The following ATP9A variants were observed in gnomAD, a reference collection of about 807,000 sequenced individuals.
The protein encoded by ATP9A is probable phospholipid-transporting ATPase IIA.
Under a neutral mutation model 144.1 loss-of-function variants are expected in ATP9A, and 52 were observed. The ratio of observed to expected loss-of-function variants is 0.36; its 90% CI spans 0.29 to 0.45. The LOEUF (loss-of-function observed/expected upper bound fraction) is 0.45. Among genes scored for constraint, ATP9A ranks in the 20% least tolerant of loss-of-function variants. The pLI is 1.00. For synonymous variants in ATP9A, 582 were observed against 557.4 expected (o/e 1.04, Z -0.62); for missense variants, 947 against 1,392.7 (o/e 0.68, Z 5.09).
intron 13 of ATP9A, among the ~76,000 whole-genome samples, chr20:51,664,166 T>C (rs1244592184): frequency 5.9e-5 from 9 of 151,808 alleles, no homozygotes; most frequent in Non-Finnish European, 8.8e-5. Flanking sequence ...AGGCATGAGC[T>C]ACCACGCCCA....
chr20:51,638,883 A>AT (rs961887778), intron 15 of ATP9A, among the ~76,000 whole-genome samples: 37 of 152,038 alleles, frequency 2.4e-4, no homozygotes, highest in African/African-American at 8.9e-4. Flanking sequence ...GACTGGCAAA[A>AT]TTTTTTAACG....
Position 51,622,098 on chromosome 20 carries a change from G to T in ATP9A, c.2091C>A (p.Asn697Lys), listed in dbSNP as rs764366877. 2.5e-6 allele frequency: 4 copies of T among 1,614,104 alleles called. No homozygotes were observed. The highest frequency in any genetic ancestry group is 3.4e-6 in the Non-Finnish European group (4 of 1,180,004). Residue 697 changes from asparagine (N) to lysine (K), a missense_variant, in exon 19 of 28, where the codon AAC (asparagine) becomes AAA (lysine). Coordinates refer to ENST00000338821, the MANE Select transcript of ATP9A (RefSeq NM_006045.3). The stretch of plus-strand genomic sequence containing the variant: ...CCAGCCGAAAAACGTGGATGTCTTG[G>T]TTTCTGGTCACCAGATGTGCATTCT... ...TAKNAHLVTR[N>K]QDIHVFRLVT...
chr20:51,718,374 G>T (rs866108091), intron 3 of ATP9A, among the ~76,000 whole-genome samples: 1 of 95,312 alleles, frequency 1.0e-5, no homozygotes, highest in African/African-American at 3.2e-5. Flanking sequence ...ATGTGTGTGT[G>T]GGGGGGGGTT....
chr20:51,753,487 C>CAACA lies in ATP9A; in HGVS notation c.68+14814_68+14815insTGTT, dbSNP rs1555845489. On this transcript the variant is annotated intron_variant, in intron 1 of 27. Coordinates refer to ENST00000338821, the MANE Select transcript of ATP9A (RefSeq NM_006045.3). ...ACAACAACAACAACAACAACAACAA[C>CAACA]AAACCCACGTTCTACATGGTTCCTA... is the stretch of plus-strand genomic sequence containing the variant. Among the ~76,000 whole-genome samples, 1,013 of 147,228 alleles carry CAACA rather than the reference C, an allele frequency of 6.9e-3. 6 individuals are homozygous for CAACA. Among genetic ancestry groups the CAACA allele is most frequent in the African/African-American group, 0.025 (944 of 38,136 alleles).
intron 13 of ATP9A, among the ~76,000 whole-genome samples, chr20:51,658,688 T>C (rs1194462650): frequency 2.0e-5 from 3 of 151,320 alleles, no homozygotes; most frequent in Non-Finnish European, 4.4e-5. Flanking sequence ...CCCTGCTAAT[T>C]CTTGTATTTT....
intron 13 of ATP9A, among the ~76,000 whole-genome samples, chr20:51,657,427 T>C (rs2077391950): frequency 6.6e-6 from 1 of 152,032 alleles, no homozygotes; most frequent in African/African-American, 2.4e-5. Context: ...CTATCCTCCC[T>C]GGGGTGGTGT....
intron 1 of ATP9A, 80 bp downstream of exon 1, chr20:51,768,222 G>A: frequency 1.0e-6 from 1 of 986,668 alleles, no homozygotes; most frequent in Non-Finnish European, 1.3e-6. Context: ...CGGCCAACCT[G>A]TCAGGCCCGG....
intron 15 of ATP9A, among the ~76,000 whole-genome samples, chr20:51,638,883 A>T (rs6013241): frequency 0.25 from 37,832 of 151,974 alleles, 5,024 homozygotes; most frequent in Non-Finnish European, 0.28. Flanking sequence ...GACTGGCAAA[A>T]TTTTTTAACG....
intron 15 of ATP9A, among the ~76,000 whole-genome samples, chr20:51,636,738 A>C (rs1161737274): frequency 6.7e-6 from 1 of 149,526 alleles, no homozygotes; most frequent in African/African-American, 2.6e-5. Flanking sequence ...CATCAGTCCT[A>C]ATGGTACCTA....
chr20:51,684,121 G>A (rs1455685388), intron 9 of ATP9A, among the ~76,000 whole-genome samples: 3 of 152,002 alleles, frequency 2.0e-5, no homozygotes, highest in Non-Finnish European at 4.4e-5. Flanking sequence ...GGAGGTCGAG[G>A]CTGCAGTGAG....
intron 15 of ATP9A, among the ~76,000 whole-genome samples, chr20:51,639,076 A>C (rs889903978): frequency 2.6e-5 from 4 of 152,152 alleles, no homozygotes; most frequent in Non-Finnish European, 5.9e-5. Flanking sequence ...AACAAAAGAG[A>C]ATGAGAGATG....
At chr20:51,766,776 G>A (rs2077905874) in intron 1 of ATP9A, among the ~76,000 whole-genome samples, 1 of 152,118 alleles carries the variant, frequency 6.6e-6, no homozygotes, top group Non-Finnish European at 1.5e-5. Context: ...GGAGGCGGAG[G>A]TTGCAGTGAG....
At chr20:51,618,558 TG>T in intron 21 of ATP9A, 103 bp downstream of exon 21, 1 of 1,458,126 alleles carries the variant, frequency 6.9e-7, no homozygotes, top group South Asian at 1.3e-5. Context: ...CAAAGGGGCC[TG>T]GGGAATTTGA....
intron 4 of ATP9A, among the ~76,000 whole-genome samples, chr20:51,700,636 G>A (rs572618958): frequency 1.3e-5 from 2 of 152,302 alleles, no homozygotes; most frequent in South Asian, 2.1e-4. Flanking sequence ...TTTGAGACCA[G>A]CCTGACCAAC....
chr20:51,618,895 G>T (rs549070689), intron 20 of ATP9A, 59 bp downstream of exon 20: 2 of 1,600,558 alleles, frequency 1.2e-6, no homozygotes, highest in Admixed American at 1.7e-5. Flanking sequence ...TGCCCCTGCC[G>T]AAGCCGGGTA....
intron 9 of ATP9A, among the ~76,000 whole-genome samples, chr20:51,680,822 G>A (rs1406833360): frequency 6.6e-6 from 1 of 152,062 alleles, no homozygotes; most frequent in African/African-American, 2.4e-5. Context: ...AGATGCAGGG[G>A]AAACTGAGGC....
At chr20:51,706,490 T>C (rs1352219586) in intron 4 of ATP9A, among the ~76,000 whole-genome samples, 1 of 152,232 alleles carries the variant, frequency 6.6e-6, no homozygotes, top group Non-Finnish European at 1.5e-5. Flanking sequence ...GCTGGGCACA[T>C]TGGCTTATGC....
rs369440141 is a variant in ATP9A, at chr20:51,648,271, T to C, written c.1506+8667A>G. On this transcript the variant is annotated intron_variant, in intron 14 of 27. Transcript: ENST00000338821. ...TCGTAGCCGCAGAAGGACCGCGAGA[T>C]TGCCTGCCCTCCCCGGCACCATGTA... Among the ~76,000 whole-genome samples the C allele has an allele frequency of 1.5e-4, 23 of 152,214 alleles. 1 individual carries two copies. In the East Asian group the frequency reaches 1.7e-3, roughly 12 times the overall value.
chr20:51,603,738 C>G (rs1191435728), intron 27 of ATP9A, among the ~76,000 whole-genome samples: 3 of 151,736 alleles, frequency 2.0e-5, no homozygotes, highest in Admixed American at 2.0e-4. Flanking sequence ...GGTGCTGACA[C>G]TCCCCCATCT....
Sources: gnomAD v4.1 joint callset for allele counts (sites outside exome capture counted in the v4.1 genomes callset) on GRCh38, gnomAD v4.1.1 for gene constraint, MANE v1.5 for transcripts, NCBI Gene and HGNC (gene_info 2026-07-23, HGNC 2026-07-21) for gene names.